Variants in PIGX observed in about 807,000 individuals in gnomAD.
The protein encoded by PIGX is phosphatidylinositol glycan anchor biosynthesis class X.
In PIGX, 24 loss-of-function variants were observed where a neutral mutation model predicts 28.7. That is an observed-to-expected ratio of 0.84 (90% CI 0.60 to 1.17). The LOEUF (loss-of-function observed/expected upper bound fraction) is 1.17. Ranked by LOEUF, PIGX falls within the 50% of genes most tolerant of loss-of-function variation. The probability of loss-of-function intolerance (pLI) is 0.00; values close to 1 mark genes in which losing one functional copy is unlikely to be tolerated. For synonymous variants in PIGX, 127 were observed against 121.0 expected (o/e 1.05, Z -0.33); for missense variants, 305 against 317.8 (o/e 0.96, Z 0.31).
chr3:196,720,654 T>G (rs946836249), intron 2 of PIGX, among the ~76,000 whole-genome samples: 2 of 152,180 alleles, frequency 1.3e-5, no homozygotes, highest in Non-Finnish European at 2.9e-5. Context: ...CCAGTGATGC[T>G]CAAGGGCTCC....
intron 3 of PIGX, among the ~76,000 whole-genome samples, chr3:196,723,375 G>A (rs1270117884): frequency 6.6e-6 from 1 of 152,142 alleles, no homozygotes; most frequent in African/African-American, 2.4e-5. Flanking sequence ...AAGAGGCCAA[G>A]TAACTTATCC....
chr3:196,721,242 T>C (rs1447915225), intron 2 of PIGX: 3 of 346,346 alleles, frequency 8.7e-6, no homozygotes, highest in African/African-American at 4.5e-5. Context: ...CGGTTCCTTT[T>C]TTCTCCCTGG....
chr3:196,716,964 CAT>C lies in PIGX; in HGVS notation c.176+47_176+48del, dbSNP rs770013432. On this transcript the variant is annotated intron_variant, in intron 2 of 5. Coordinates refer to ENST00000392391, the MANE Select transcript of PIGX (RefSeq NM_017861.4). ...TTCTATTTCTATTAAAATAATGTGTCATATAATTGAGAGCAAAAAATTGATGG... is the reference window on the plus strand; with the variant it reads ...TTCTATTTCTATTAAAATAATGTGTCATAATTGAGAGCAAAAAATTGATGG... The C allele has an allele frequency of 7.6e-6, 9 of 1,178,094 alleles. No homozygotes were observed. The African/African-American group carries it at 9.2e-5, about 12-fold the overall frequency. The allele number at this position is 1,178,094 out of a possible 1,614,324, so 73.0% of individuals were successfully genotyped here. A position where few individuals can be genotyped will look rare whatever the true frequency, so the allele number is the denominator to read the frequency against.
chr3:196,735,614 T>A lies in PIGX; in HGVS notation c.*1712T>A, dbSNP rs1243729455. The A allele has an allele frequency of 6.6e-6, 1 of 152,210 alleles. No homozygotes were observed. The highest frequency in any genetic ancestry group is 2.4e-5 in the African/African-American group (1 of 41,462). 9.4% of individuals were successfully genotyped at this position (152,210 alleles called of 1,614,324 possible). A position where few individuals can be genotyped will look rare whatever the true frequency, so the allele number is the denominator to read the frequency against. ...CAGAAACAGTGACCTTTAAAATGAC[T>A]AAAATTTCAACCCAGTATAGTTTCA... On this transcript the variant is annotated 3_prime_UTR_variant, in exon 6 of 6. Coordinates refer to ENST00000392391, the MANE Select transcript of PIGX (RefSeq NM_017861.4).
intron 3 of PIGX, 89 bp from the exon 4 acceptor site, chr3:196,727,834 G>A (rs890815047): frequency 2.8e-4 from 240 of 844,344 alleles, no homozygotes; most frequent in Middle Eastern, 3.4e-4. Flanking sequence ...ACACTGCTGT[G>A]TATCTGTATA....
At position 196,734,069 on chromosome 3, in the gene PIGX, G is replaced by C. The variant is rs1712921549; in HGVS notation, c.*167G>C. The C allele has an allele frequency of 1.7e-6, 1 of 574,234 alleles. No individual in the cohort carries two copies. The highest frequency in any genetic ancestry group is 3.1e-5 in the Admixed American group (1 of 32,774). 35.6% of individuals were successfully genotyped at this position (574,234 alleles called of 1,614,324 possible). ...CATTCTCAGCTAATTCCAAAATGTA[G>C]TGCTCTATTGCATGGATCCTTGGTA... On this transcript the variant is annotated 3_prime_UTR_variant, in exon 6 of 6. Coordinates refer to ENST00000392391, the MANE Select transcript of PIGX (RefSeq NM_017861.4).
At position 196,734,028 on chromosome 3, in the gene PIGX, A is replaced by C. The variant is rs1712920617; in HGVS notation, c.*126A>C. On this transcript the variant is annotated 3_prime_UTR_variant, in exon 6 of 6. Coordinates refer to ENST00000392391, the MANE Select transcript of PIGX (RefSeq NM_017861.4). ...ATTTGTGGCCAAAATTATGTTTACT[A>C]GAGGAAATTTGGGATCATTCTCAGC... 7 of 658,358 alleles carry C rather than the reference A, an allele frequency of 1.1e-5. No individual in the cohort carries two copies. The South Asian group carries it at 1.4e-4, about 13-fold the overall frequency. The allele number at this position is 658,358 out of a possible 1,614,324, so 40.8% of individuals were successfully genotyped here.
Position 196,731,490 on chromosome 3 carries a change from T to C in PIGX, c.633+398T>C, listed in dbSNP as rs550288347. On this transcript the variant is annotated intron_variant, in intron 5 of 5. Transcript: ENST00000392391. Reference sequence around the variant, plus strand: ...ACCGTGCCCAGCTGGGATTAGCATTTTCTAATATAGAAAGCTGTTTTTTCT... The same window carrying C: ...ACCGTGCCCAGCTGGGATTAGCATTCTCTAATATAGAAAGCTGTTTTTTCT... 1.3e-4 allele frequency among the ~76,000 whole-genome samples: 20 copies of C among 152,312 alleles called. No homozygotes were observed. In the South Asian group the frequency reaches 3.9e-3, roughly 30 times the overall value.
intron 5 of PIGX, 29 bp downstream of exon 5, chr3:196,731,121 G>C (rs2108688727): frequency 1.7e-6 from 2 of 1,185,602 alleles, no homozygotes; most frequent in East Asian, 2.4e-5. Flanking sequence ...TTGTTTTTTA[G>C]ATCATGTGCC....
At chr3:196,715,585 C>CT (rs1281087879) in intron 1 of PIGX, among the ~76,000 whole-genome samples, 1 of 152,044 alleles carries the variant, frequency 6.6e-6, no homozygotes, top group East Asian at 1.9e-4. Context: ...CATCATTTTT[C>CT]TTAATGCATC....
rs1292777743 is a variant in PIGX at position 196,733,758 on chromosome 3, G to A, written c.634-1G>A. The A allele has an allele frequency of 1.9e-6, 3 of 1,590,440 alleles. No homozygotes were observed. Among genetic ancestry groups the A allele is most frequent in the Middle Eastern group, 1.7e-4 (1 of 6,014 alleles). ...TCTAACTTCTCTCTCTCTCTCCATAGGTATATAAGAATGTGATTCTACAAG... is the reference window on the plus strand; with the variant it reads ...TCTAACTTCTCTCTCTCTCTCCATAAGTATATAAGAATGTGATTCTACAAG... On this transcript the variant is annotated splice_acceptor_variant, in intron 5 of 5. Coordinates refer to ENST00000392391, the MANE Select transcript of PIGX (RefSeq NM_017861.4). LOFTEE classifies it high-confidence loss of function. The surrounding 1 kb of genome is among the most constrained non-coding windows in gnomAD (Gnocchi z 4.3).
At chr3:196,732,218 A>ATT (rs1208192634) in intron 5 of PIGX, among the ~76,000 whole-genome samples, 2,201 of 14,310 alleles carry the variant, frequency 0.15, 50 homozygotes, top group Non-Finnish European at 0.18. Flanking sequence ...TATATTATTT[A>ATT]TATATATATA....
chr3:196,735,118 C>T lies in PIGX; in HGVS notation c.*1216C>T, dbSNP rs542671131. 6.6e-6 allele frequency: 1 copy of T among 151,694 alleles called. No individual in the cohort carries two copies. Among genetic ancestry groups the T allele is most frequent in the Non-Finnish European group, 1.5e-5 (1 of 68,032 alleles). The allele number at this position is 151,694 out of a possible 1,614,324, so 9.4% of individuals were successfully genotyped here. A position where few individuals can be genotyped will look rare whatever the true frequency, so the allele number is the denominator to read the frequency against. ...GACCATCCTGGCTAACACGGTGAAA[C>T]CCCATCTCTACTAAAAATACAAAAA... is the stretch of plus-strand genomic sequence containing the variant. On this transcript the variant is annotated 3_prime_UTR_variant, in exon 6 of 6. Transcript: ENST00000392391.
chr3:196,728,022 G>T lies in PIGX; in HGVS notation c.418G>T (p.Asp140Tyr), dbSNP rs1479102238. 2 of 1,613,862 alleles carry T rather than the reference G, an allele frequency of 1.2e-6. No individual in the cohort carries two copies. The highest frequency in any genetic ancestry group is 2.7e-5 in the African/African-American group (2 of 74,920). The change falls in exon 4 of 6, where the codon GAC becomes TAC. Residue 140 changes from aspartate (D) to tyrosine (Y), a missense_variant. Physicochemically the swap from Asp to Tyr is radical, Grantham distance 160 (BLOSUM62 -3). Coordinates refer to ENST00000392391, the MANE Select transcript of PIGX (RefSeq NM_017861.4). Reference sequence around the variant, plus strand: ...TGCCAGACGAGATTCACAGTGCATTGACTGTTTTCAAGCCTTTTTGCCTGT... The same window carrying T: ...TGCCAGACGAGATTCACAGTGCATTTACTGTTTTCAAGCCTTTTTGCCTGT...
chr3:196,723,648 C>T (rs1193534660), intron 3 of PIGX, among the ~76,000 whole-genome samples: 4 of 146,154 alleles, frequency 2.7e-5, no homozygotes, highest in East Asian at 2.0e-4. Context: ...ATTGTGGGTA[C>T]GCAGTAGGTA....
At chr3:196,729,379 G>A (rs1042349541) in intron 4 of PIGX, among the ~76,000 whole-genome samples, 2 of 151,722 alleles carry the variant, frequency 1.3e-5, no homozygotes, top group Admixed American at 6.6e-5. Context: ...GCAGTTTGCA[G>A]TCTTCTCAAG....
chr3:196,720,966 T>G (rs1029435462), intron 2 of PIGX, among the ~76,000 whole-genome samples: 2 of 152,096 alleles, frequency 1.3e-5, no homozygotes, highest in Admixed American at 6.6e-5. Flanking sequence ...TATTCTTATC[T>G]TTGTTAATCT....
chr3:196,716,820 G>A, intron 1 of PIGX, 38 bp from the exon 2 acceptor site: 1 of 1,112,218 alleles, frequency 9.0e-7, no homozygotes, highest in Non-Finnish European at 1.3e-6. Flanking sequence ...TTTATTCAGT[G>A]CTTTTGTTTT....
At chr3:196,729,484 G>A (rs114852860) in intron 4 of PIGX, among the ~76,000 whole-genome samples, 3 of 150,080 alleles carry the variant, frequency 2.0e-5, no homozygotes, top group Non-Finnish European at 3.0e-5. Flanking sequence ...TCGGCTTACC[G>A]CAATCTCCGC....
Sources: gnomAD v4.1 joint callset for allele counts (sites outside exome capture counted in the v4.1 genomes callset) on GRCh38, gnomAD v4.1.1 for gene constraint, Gnocchi (gnomAD v3.1) non-coding constraint, MANE v1.5 for transcripts, NCBI Gene and HGNC (gene_info 2026-07-23, HGNC 2026-07-21) for gene names.